PLXNA4: variants seen among roughly 807,000 people sequenced by gnomAD.
PLXNA4 encodes plexin A4, also known as plexin-A4.
A neutral mutation model predicts 191.8 loss-of-function variants in PLXNA4; 44 were observed. The ratio of observed to expected loss-of-function variants is 0.23; its 90% confidence interval spans 0.18 to 0.29. The LOEUF is 0.29. Among genes scored for constraint, PLXNA4 ranks in the 10% least tolerant of loss-of-function variants. The pLI is 1.00. For synonymous variants in PLXNA4, 1,082 were observed against 1,009.5 expected, an observed-to-expected ratio of 1.07 and a Z score of -1.36; for missense variants, 1,800 against 2,488.8, an observed-to-expected ratio of 0.72 and a Z score of 5.89.
intron 3 of PLXNA4, chr7:132,384,747 C>CACAT: frequency 1.3e-4 from 1 of 7,866 alleles, no homozygotes; most frequent in Non-Finnish European, 2.2e-4. Flanking sequence ...GATAAGCATA[C>CACAT]ACACACACAC....
At chr7:132,544,243 G>A (rs1800200317) in intron 1 of PLXNA4, among the ~76,000 whole-genome samples, 1 of 152,116 alleles carries the variant, frequency 6.6e-6, no homozygotes, top group Non-Finnish European at 1.5e-5. Flanking sequence ...AGTGACAGTG[G>A]CCACTCTCCA....
intron 25 of PLXNA4, among the ~76,000 whole-genome samples, chr7:132,154,592 G>T (rs768521903): frequency 6.6e-6 from 1 of 152,198 alleles, no homozygotes; most frequent in Non-Finnish European, 1.5e-5. Context: ...AAAGGCAAAC[G>T]CAGGCTGAGC....
At chr7:132,277,062 T>C (rs546424448) in intron 4 of PLXNA4, among the ~76,000 whole-genome samples, 50 of 152,290 alleles carry the variant, frequency 3.3e-4, no homozygotes, top group Middle Eastern at 6.8e-3. Context: ...TGAGAAGATA[T>C]TAGTGAGGAA....
chr7:132,254,728 T>C (rs1799373644), intron 4 of PLXNA4, among the ~76,000 whole-genome samples: 1 of 152,178 alleles, frequency 6.6e-6, no homozygotes, highest in Admixed American at 6.5e-5. Flanking sequence ...AGTAGGCCAG[T>C]TGCTTTCCAT....
intron 2 of PLXNA4, among the ~76,000 whole-genome samples, chr7:132,640,534 TGA>T (rs1437720932): frequency 6.6e-6 from 1 of 152,168 alleles, no homozygotes; most frequent in African/African-American, 2.4e-5. Flanking sequence ...AAAGGGGTTA[TGA>T]GAGCACACAG....
intron 30 of PLXNA4, among the ~76,000 whole-genome samples, chr7:132,134,883 A>C (rs1300834732): frequency 6.6e-5 from 10 of 151,878 alleles, no homozygotes; most frequent in Non-Finnish European, 1.5e-4. Context: ...CTCCATCCCC[A>C]GAAGAGCCTG....
At chr7:132,642,731 G>A (rs187505818) in intron 2 of PLXNA4, among the ~76,000 whole-genome samples, 9 of 152,200 alleles carry the variant, frequency 5.9e-5, no homozygotes, top group South Asian at 4.1e-4. Flanking sequence ...CAATCTCAAC[G>A]TTTCATCCAT....
intron 3 of PLXNA4, among the ~76,000 whole-genome samples, chr7:132,404,189 C>A (rs1794115864): frequency 6.6e-6 from 1 of 152,184 alleles, no homozygotes; most frequent in Non-Finnish European, 1.5e-5. Flanking sequence ...GAAGGCTGAA[C>A]CTTACTAACC....
At chr7:132,527,030 C>A (rs1799426964) in intron 1 of PLXNA4, among the ~76,000 whole-genome samples, 1 of 152,156 alleles carries the variant, frequency 6.6e-6, no homozygotes. Context: ...TTTATCACCC[C>A]CAGGCCCCGG....
rs1200368731 is a variant in PLXNA4 at position 132,124,993 on chromosome 7, T to G, written c.*5486A>C. On this transcript the variant is annotated 3_prime_UTR_variant, in exon 32 of 32. Coordinates refer to ENST00000321063, the MANE Select transcript of PLXNA4 (RefSeq NM_020911.2). ...CTATATACTTTTAAAACTTGGATAC[T>G]CCCTCTAATAAAATAATTTTATGGG... 5.7e-5 allele frequency: 3 copies of G among 52,908 alleles called. No individual in the cohort carries two copies. The highest frequency in any genetic ancestry group is 2.2e-4 in the African/African-American group (3 of 13,374). 3.3% of individuals were successfully genotyped at this position (52,908 alleles called of 1,614,324 possible).
rs189958245 is a variant in PLXNA4 at position 132,126,155 on chromosome 7, G to C, written c.*4324C>G. Reference sequence around the variant, plus strand: ...TCACAGAGGGTGGTGCTGAGACCTGGGCCCATCACAGCATCGTTCACGGCT... The same window carrying C: ...TCACAGAGGGTGGTGCTGAGACCTGCGCCCATCACAGCATCGTTCACGGCT... On this transcript the variant is annotated 3_prime_UTR_variant, in exon 32 of 32. Transcript: ENST00000321063. The C allele has an allele frequency of 2.8e-4, 43 of 152,394 alleles. No individual in the cohort carries two copies. Among genetic ancestry groups the C allele is most frequent in the African/African-American group, 9.4e-4 (39 of 41,512 alleles). 9.4% of individuals were successfully genotyped at this position (152,394 alleles called of 1,614,324 possible).
intron 3 of PLXNA4, among the ~76,000 whole-genome samples, chr7:132,311,202 G>GTGTGTGTGTGTGTGT (rs1554411105): frequency 6.6e-6 from 1 of 151,064 alleles, no homozygotes; most frequent in African/African-American, 2.4e-5. Context: ...GTGCGCGTGT[G>GTGTGTGTGTGTGTGT]GCCTAAAGGA....
At chr7:132,409,624 G>A (rs1794368424) in intron 3 of PLXNA4, among the ~76,000 whole-genome samples, 1 of 152,144 alleles carries the variant, frequency 6.6e-6, no homozygotes, top group South Asian at 2.1e-4. Context: ...ACTCTTTCAA[G>A]GTGGAATTCC....
chr7:132,293,575 G>C (rs1021084452), intron 4 of PLXNA4, among the ~76,000 whole-genome samples: 3 of 152,162 alleles, frequency 2.0e-5, no homozygotes, highest in African/African-American at 7.2e-5. Flanking sequence ...TCATTGTATT[G>C]AACACAACAC....
chr7:132,361,040 A>G (rs1042038286), intron 3 of PLXNA4, among the ~76,000 whole-genome samples: 2 of 152,204 alleles, frequency 1.3e-5, no homozygotes, highest in Admixed American at 1.3e-4. Context: ...CTGCTTGAAG[A>G]TACTGGCCTT....
Position 132,128,520 on chromosome 7 carries a change from A to T in PLXNA4, c.*1959T>A, listed in dbSNP as rs1371961194. 2 of 73,772 alleles carry T rather than the reference A, an allele frequency of 2.7e-5. No homozygotes were observed. The highest frequency in any genetic ancestry group is 6.7e-5 in the African/African-American group (2 of 29,730). 4.6% of individuals were successfully genotyped at this position (73,772 alleles called of 1,614,324 possible). A position where few individuals can be genotyped will look rare whatever the true frequency, so the allele number is the denominator to read the frequency against. ...TGTCCTGAAGCTGCAGGATGAATGG[A>T]TGAGCAAGGGGAAAGAGAAGGGGAA... On this transcript the variant is annotated 3_prime_UTR_variant, in exon 32 of 32. Transcript: ENST00000321063.
intron 3 of PLXNA4, among the ~76,000 whole-genome samples, chr7:132,348,457 C>T (rs1803340266): frequency 6.6e-6 from 1 of 152,200 alleles, no homozygotes; most frequent in Admixed American, 6.5e-5. Context: ...AGTCCGTCCT[C>T]ACTCCAAACC....
chr7:132,172,127 C>G (rs1796305398), intron 21 of PLXNA4, among the ~76,000 whole-genome samples: 1 of 152,176 alleles, frequency 6.6e-6, no homozygotes, highest in Admixed American at 6.5e-5. Flanking sequence ...CTCACTGTTG[C>G]CTGCCACCCT....
At chr7:132,518,360 C>T (rs1799026186) in intron 1 of PLXNA4, among the ~76,000 whole-genome samples, 1 of 152,198 alleles carries the variant, frequency 6.6e-6, no homozygotes, top group Admixed American at 6.5e-5. Context: ...TGGGCAGTCT[C>T]AGTGTGGGTG....
Sources: allele counts gnomAD v4.1 joint callset (sites outside exome capture counted in the v4.1 genomes callset), GRCh38; gene constraint gnomAD v4.1.1; transcripts MANE v1.5; gene names NCBI Gene and HGNC (gene_info 2026-07-23, HGNC 2026-07-21).